Variants in PCDHGB1 observed in about 807,000 individuals in gnomAD.
PCDHGB1 encodes protocadherin gamma subfamily B, 1, also known as protocadherin gamma-B1.
A neutral mutation model predicts 56.6 loss-of-function variants in PCDHGB1; 34 were observed. That is an observed-to-expected ratio of 0.60 (90% CI 0.46 to 0.80). The LOEUF (loss-of-function observed/expected upper bound fraction) is 0.80. PCDHGB1 is among the 30% of genes least tolerant of loss of function. The pLI is 0.00. For missense variants in PCDHGB1, 1,278 were observed against 1,204.6 expected, an observed-to-expected ratio of 1.06 and a Z score of -0.90; for synonymous variants, 561 against 505.9, an observed-to-expected ratio of 1.11 and a Z score of -1.46.
Position 141,351,044 on chromosome 5 carries a change from A to T in PCDHGB1, c.784A>T (p.Met262Leu), listed in dbSNP as rs1404699564. Residue 262 changes from methionine (M) to leucine (L), a missense_variant, in exon 1 of 4, where the codon ATG (methionine) becomes TTG (leucine). Met to Leu is a conservative substitution (Grantham distance 15, BLOSUM62 2). Coordinates refer to ENST00000523390, the MANE Select transcript of PCDHGB1 (RefSeq NM_018922.3). ...GTGGGGAACCTCCGTGCTGCGGGTGATGGCCACAGACCAGGATGAGGGCAT... is the reference window on the plus strand; with the variant it reads ...GTGGGGAACCTCCGTGCTGCGGGTGTTGGCCACAGACCAGGATGAGGGCAT... ...VPWGTSVLRV[M>L]ATDQDEGINA... 5 of 1,613,948 alleles carry T rather than the reference A, an allele frequency of 3.1e-6. No homozygotes were observed. The highest frequency in any genetic ancestry group is 4.2e-6 in the Non-Finnish European group (5 of 1,179,906).
chr5:141,388,453 A>G (rs556619446), intron 1 of PCDHGB1: 1 of 1,613,846 alleles, frequency 6.2e-7, no homozygotes, highest in East Asian at 2.2e-5. Flanking sequence ...GATGGCAGTA[A>G]ATACCCTGAG....
At chr5:141,451,365 G>A (rs557753113) in intron 1 of PCDHGB1, among the ~76,000 whole-genome samples, 2 of 152,234 alleles carry the variant, frequency 1.3e-5, no homozygotes, top group South Asian at 4.1e-4. Context: ...GGATGGATCC[G>A]CTTCTAATCT....
At chr5:141,400,557 ACC>A in intron 1 of PCDHGB1, 5 of 1,613,254 alleles carry the variant, frequency 3.1e-6, no homozygotes, top group Non-Finnish European at 3.4e-6. Context: ...CTTTTTCATT[ACC>A]CACCCAATTT....
Position 141,491,176 on chromosome 5 carries a change from G to A in PCDHGB1, c.2410-3631G>A. The A allele has an allele frequency of 1.2e-6, 2 of 1,614,210 alleles. No homozygotes were observed. The highest frequency in any genetic ancestry group is 8.5e-7 in the Non-Finnish European group (1 of 1,180,024). On this transcript the variant is annotated intron_variant, in intron 1 of 3. Transcript: ENST00000523390. The surrounding 1 kb of genome is among the most constrained non-coding windows in gnomAD (Gnocchi z 6.9). ...TGACTCTGACACCCAGCAGGTGGTG[G>A]TCCTGGTGAGGGACAATGGTGACCC...
chr5:141,470,911 G>A (rs1208467445), intron 1 of PCDHGB1, among the ~76,000 whole-genome samples: 1 of 151,916 alleles, frequency 6.6e-6, no homozygotes, highest in Non-Finnish European at 1.5e-5. Context: ...AGATGGGACT[G>A]TCCCTATGTT....
Position 141,407,988 on chromosome 5 carries a change from C to T in PCDHGB1, c.2409+55319C>T, listed in dbSNP as rs923527525. 1.3e-4 allele frequency: 104 copies of T among 827,076 alleles called. 1 individual carries two copies. The highest frequency in any genetic ancestry group is 3.7e-4 in the Middle Eastern group (1 of 2,684). 51.2% of individuals were successfully genotyped at this position (827,076 alleles called of 1,614,324 possible). ...GCGCTGACGCCGGGGATCCGTCAGC[C>T]TCTGGCCTGGGATTCCCTGCGCAGC... On this transcript the variant is annotated intron_variant, in intron 1 of 3. Transcript: ENST00000523390.
chr5:141,454,351 C>T (rs1406631649), intron 1 of PCDHGB1, among the ~76,000 whole-genome samples: 2 of 152,152 alleles, frequency 1.3e-5, no homozygotes, highest in Non-Finnish European at 2.9e-5. Flanking sequence ...GAAGTTGATC[C>T]AAACTTAGAA....
chr5:141,364,428 A>G (rs1358594302), intron 1 of PCDHGB1: 1 of 1,613,750 alleles, frequency 6.2e-7, no homozygotes, highest in South Asian at 1.1e-5. Flanking sequence ...CAGATCCGCT[A>G]CTCGATGCCG....
intron 1 of PCDHGB1, chr5:141,440,191 A>G (rs1239698049): frequency 1.3e-5 from 2 of 152,376 alleles, no homozygotes; most frequent in African/African-American, 4.8e-5. Context: ...GTTGAAGGCC[A>G]GGCATGGTGG....
At chr5:141,408,076 A>C in intron 1 of PCDHGB1, 1 of 1,399,800 alleles carries the variant, frequency 7.1e-7, no homozygotes. Flanking sequence ...GACCTTTCCC[A>C]GCACAGCGGA....
chr5:141,487,633 T>C lies in PCDHGB1; in HGVS notation c.2410-7174T>C. On this transcript the variant is annotated intron_variant, in intron 1 of 3. Transcript: ENST00000523390. The surrounding 1 kb of genome is among the most constrained non-coding windows in gnomAD (Gnocchi z 5.0). ...GGCTAGAGGTGAGACCTTTGCAGGCTCAACAAATGCTTGAGGGTTATTCTG... is the reference window on the plus strand; with the variant it reads ...GGCTAGAGGTGAGACCTTTGCAGGCCCAACAAATGCTTGAGGGTTATTCTG... 3 of 1,614,164 alleles carry C rather than the reference T, an allele frequency of 1.9e-6. No individual in the cohort carries two copies. The highest frequency in any genetic ancestry group is 2.7e-5 in the African/African-American group (2 of 75,052).
chr5:141,358,072 C>T (rs1434661708), intron 1 of PCDHGB1, among the ~76,000 whole-genome samples: 2 of 152,178 alleles, frequency 1.3e-5, no homozygotes, highest in Non-Finnish European at 2.9e-5. Context: ...TGCCCGTAGT[C>T]CCAGCTACCC....
intron 1 of PCDHGB1, chr5:141,417,543 C>T: frequency 6.5e-6 from 2 of 307,994 alleles, no homozygotes; most frequent in Non-Finnish European, 1.2e-5. Flanking sequence ...AAAAAAAATT[C>T]CTTGAAAGAG....
At chr5:141,371,014 A>T in intron 1 of PCDHGB1, 1 of 1,614,008 alleles carries the variant, frequency 6.2e-7, no homozygotes, top group Non-Finnish European at 8.5e-7. Context: ...GAGCAGCCAC[A>T]TCACCACCTG....
intron 1 of PCDHGB1, chr5:141,364,657 G>C: frequency 6.2e-7 from 1 of 1,614,034 alleles, no homozygotes; most frequent in South Asian, 1.1e-5. Context: ...TTAACATCTT[G>C]GTTGAGAACA....
At position 141,485,060 on chromosome 5, in the gene PCDHGB1, G is replaced by A. The variant is rs191055161; in HGVS notation, c.2410-9747G>A. 155 of 862,304 alleles carry A rather than the reference G, an allele frequency of 1.8e-4. No individual in the cohort carries two copies. The African/African-American group carries it at 2.3e-3, about 13-fold the overall frequency. 53.4% of individuals were successfully genotyped at this position (862,304 alleles called of 1,614,324 possible). ...ACCCTTGCGGCGCCGGCCGAACCGCGCCAGAGCTGGCGCGGGGAAAGGGAG... is the reference window on the plus strand; with the variant it reads ...ACCCTTGCGGCGCCGGCCGAACCGCACCAGAGCTGGCGCGGGGAAAGGGAG... On this transcript the variant is annotated intron_variant, in intron 1 of 3. Transcript: ENST00000523390. This position sits in a 1 kb window ranked among gnomAD's most constrained non-coding sequence, Gnocchi z 5.7.
At chr5:141,357,630 A>G (rs144995438) in intron 1 of PCDHGB1, 4 of 1,613,314 alleles carry the variant, frequency 2.5e-6, no homozygotes, top group African/African-American at 2.7e-5. Context: ...AGGTGAGTCA[A>G]TCTTATAATA....
chr5:141,375,724 A>T (rs1771805917), intron 1 of PCDHGB1: 1 of 1,614,144 alleles, frequency 6.2e-7, no homozygotes, highest in Non-Finnish European at 8.5e-7. Flanking sequence ...GCAACGTGTC[A>T]CTGAGCCTGT....
intron 1 of PCDHGB1, chr5:141,384,327 A>G (rs750339599): frequency 2.7e-5 from 43 of 1,613,860 alleles, no homozygotes; most frequent in Non-Finnish European, 3.1e-5. Flanking sequence ...TAGTGACTGC[A>G]CAGGACCACG....
Sources: allele counts gnomAD v4.1 joint callset (sites outside exome capture counted in the v4.1 genomes callset), GRCh38; gene constraint gnomAD v4.1.1; non-coding constraint Gnocchi (gnomAD v3.1); transcripts MANE v1.5; gene names NCBI Gene and HGNC (gene_info 2026-07-23, HGNC 2026-07-21).